The following BTBD9 variants were observed in gnomAD, a reference collection of about 807,000 sequenced individuals.
BTBD9 encodes the protein BTB/POZ domain-containing protein 9.
BTBD9 carries 49 observed loss-of-function variants against 64.3 expected under a neutral mutation model. The ratio of observed to expected loss-of-function variants is 0.76; its 90% CI spans 0.61 to 0.97. BTBD9 has a LOEUF of 0.97. Ranked by LOEUF, BTBD9 falls within the 50% of genes least tolerant of loss-of-function variation. The probability of loss-of-function intolerance (pLI) is 0.00; values close to 1 mark genes in which losing one functional copy is unlikely to be tolerated. For synonymous variants in BTBD9, 260 were observed against 274.7 expected (o/e 0.95, Z 0.53); for missense variants, 598 against 762.1 (o/e 0.78, Z 2.53).
intron 6 of BTBD9, among the ~76,000 whole-genome samples, chr6:38,416,961 G>A (rs143122994): frequency 4.3e-4 from 66 of 152,238 alleles, no homozygotes; most frequent in African/African-American, 1.5e-3. Flanking sequence ...TTTTGAGACC[G>A]AGTCTTGCCC....
chr6:38,190,049 C>T (rs546516656), intron 10 of BTBD9, among the ~76,000 whole-genome samples: 1 of 151,058 alleles, frequency 6.6e-6, no homozygotes, highest in African/African-American at 2.4e-5. Flanking sequence ...TGGGCTCAAG[C>T]GAACCTGTGG....
chr6:38,244,220 C>G (rs775499081), intron 9 of BTBD9, among the ~76,000 whole-genome samples: 1 of 152,188 alleles, frequency 6.6e-6, no homozygotes, highest in Non-Finnish European at 1.5e-5. Flanking sequence ...CAATGTGCAG[C>G]AGGTCCCTTG....
chr6:38,364,002 T>C (rs1214005452), intron 6 of BTBD9, among the ~76,000 whole-genome samples: 1 of 152,180 alleles, frequency 6.6e-6, no homozygotes, highest in Non-Finnish European at 1.5e-5. Context: ...TTGAGAATCC[T>C]GGTCACTTGG....
At chr6:38,278,156 A>AACTGTAGTC (rs1761353334) in intron 8 of BTBD9, among the ~76,000 whole-genome samples, 1 of 152,170 alleles carries the variant, frequency 6.6e-6, no homozygotes, top group East Asian at 1.9e-4. Context: ...TGGTAGCTAA[A>AACTGTAGTC]ACTGTAGTCC....
chr6:38,406,062 C>G (rs1264111723), intron 6 of BTBD9, among the ~76,000 whole-genome samples: 1 of 152,176 alleles, frequency 6.6e-6, no homozygotes, highest in African/African-American at 2.4e-5. Context: ...GTGGGCTCAA[C>G]TTTAGGCCTC....
chr6:38,374,799 G>A (rs946421759), intron 6 of BTBD9, among the ~76,000 whole-genome samples: 4 of 152,148 alleles, frequency 2.6e-5, no homozygotes, highest in Non-Finnish European at 5.9e-5. Flanking sequence ...TACCCCCACT[G>A]CATCTTAGAG....
intron 1 of BTBD9, among the ~76,000 whole-genome samples, chr6:38,610,507 A>G (rs753816781): frequency 4.6e-5 from 7 of 152,224 alleles, no homozygotes; most frequent in East Asian, 1.9e-4. Context: ...CTGAGTAGCA[A>G]CAGAGAAGAG....
chr6:38,548,199 A>G (rs9357277), intron 6 of BTBD9, among the ~76,000 whole-genome samples: 16,037 of 152,240 alleles, frequency 0.11, 1,273 homozygotes, highest in East Asian at 0.24. Flanking sequence ...TTATATTTTC[A>G]GTAAGAAGTG....
At chr6:38,532,340 A>C (rs1219146534) in intron 6 of BTBD9, among the ~76,000 whole-genome samples, 9 of 152,106 alleles carry the variant, frequency 5.9e-5, no homozygotes. Flanking sequence ...TGGGATCCTA[A>C]ATAAACTTGA....
At chr6:38,334,395 A>G (rs1054326485) in intron 7 of BTBD9, among the ~76,000 whole-genome samples, 1 of 152,110 alleles carries the variant, frequency 6.6e-6, no homozygotes, top group African/African-American at 2.4e-5. Flanking sequence ...AACTGTCTCT[A>G]CTAAAAATAC....
chr6:38,194,523 C>G (rs935783096), intron 9 of BTBD9, among the ~76,000 whole-genome samples: 1 of 152,172 alleles, frequency 6.6e-6, no homozygotes, highest in Non-Finnish European at 1.5e-5. Flanking sequence ...TTCTTTTCAG[C>G]CTTTTAGCTC....
chr6:38,429,942 T>C (rs1768364128), intron 6 of BTBD9, among the ~76,000 whole-genome samples: 1 of 152,010 alleles, frequency 6.6e-6, no homozygotes, highest in Non-Finnish European at 1.5e-5. Context: ...CAGCAGAACC[T>C]AGAGATCAGA....
Position 38,580,286 on chromosome 6 carries a change from G to A in BTBD9, c.966C>T (p.Ile322=), listed in dbSNP as rs183919850. The A allele has an allele frequency of 6.1e-5, 99 of 1,614,180 alleles. No individual in the cohort carries two copies. Among genetic ancestry groups the A allele is most frequent in the Admixed American group, 2.7e-4 (16 of 60,032 alleles). The stretch of plus-strand genomic sequence containing the variant: ...TGGATGGCTGACCTAGCTTAATCTC[G>A]ATGCCGGAACGGCAGTCATCATCAA... The part of the protein sequence containing the change: ...HPIDDDCRSG[I]EIKLGQPSII... Residue 322 remains isoleucine (I), a synonymous_variant, in exon 5 of 11, where the codon ATC becomes ATT. Coordinates refer to ENST00000481247, the MANE Select transcript of BTBD9 (RefSeq NM_001099272.2).
intron 1 of BTBD9, among the ~76,000 whole-genome samples, chr6:38,612,418 G>C (rs892966381): frequency 6.6e-6 from 1 of 152,176 alleles, no homozygotes; most frequent in Non-Finnish European, 1.5e-5. Flanking sequence ...TCCTTCTCTT[G>C]TGCTGTAACT....
chr6:38,434,084 T>C (rs1768588402), intron 6 of BTBD9, among the ~76,000 whole-genome samples: 1 of 152,160 alleles, frequency 6.6e-6, no homozygotes, highest in Non-Finnish European at 1.5e-5. Flanking sequence ...TATAGCATTA[T>C]GTGACAAAGA....
At chr6:38,439,612 A>G (rs1226565738) in intron 6 of BTBD9, among the ~76,000 whole-genome samples, 1 of 151,914 alleles carries the variant, frequency 6.6e-6, no homozygotes, top group Non-Finnish European at 1.5e-5. Flanking sequence ...TTTTTAGTAG[A>G]GATGGGGTTT....
intron 6 of BTBD9, among the ~76,000 whole-genome samples, chr6:38,385,295 T>C (rs1766104510): frequency 6.6e-6 from 1 of 151,124 alleles, no homozygotes; most frequent in Non-Finnish European, 1.5e-5. Flanking sequence ...GCTCAAGCAA[T>C]TCTCCCACCT....
At chr6:38,291,151 A>T (rs1184292467) in intron 7 of BTBD9, among the ~76,000 whole-genome samples, 6 of 152,174 alleles carry the variant, frequency 3.9e-5, no homozygotes, top group African/African-American at 1.4e-4. Flanking sequence ...AGATATTGCC[A>T]AATTTTTCAC....
chr6:38,610,268 G>GA (rs1299111746), intron 1 of BTBD9, among the ~76,000 whole-genome samples: 1 of 152,162 alleles, frequency 6.6e-6, no homozygotes, highest in Non-Finnish European at 1.5e-5. Flanking sequence ...TGGCAAACAG[G>GA]AATCAGCCGC....
Sources: allele counts gnomAD v4.1 joint callset (sites outside exome capture counted in the v4.1 genomes callset), GRCh38; gene constraint gnomAD v4.1.1; transcripts MANE v1.5; gene names NCBI Gene and HGNC (gene_info 2026-07-23, HGNC 2026-07-21).